Variants in MCTP2 observed in about 807,000 individuals in gnomAD.
MCTP2 encodes the protein multiple C2 and transmembrane domain-containing protein 2.
Under a neutral mutation model 111.6 loss-of-function variants are expected in MCTP2, and 132 were observed. That is an observed-to-expected ratio of 1.18 (90% CI 1.03 to 1.37). The LOEUF (loss-of-function observed/expected upper bound fraction) is 1.37. Among genes scored for constraint, MCTP2 ranks in the 40% most tolerant of loss-of-function variants. The pLI, the probability that MCTP2 is intolerant of heterozygous loss-of-function variation, is 0.00. For missense variants in MCTP2, 1,183 were observed against 1,067.9 expected, an observed-to-expected ratio of 1.11 and a Z score of -1.50; for synonymous variants, 395 against 387.7, an observed-to-expected ratio of 1.02 and a Z score of -0.22.
At chr15:94,257,234 T>C (rs2072833300) in intron 1 of MCTP2, among the ~76,000 whole-genome samples, 1 of 152,150 alleles carries the variant, frequency 6.6e-6, no homozygotes, top group South Asian at 2.1e-4. Context: ...CCTCATCCTC[T>C]GTGGGATGGC....
At chr15:94,336,632 C>T (rs1454562782) in intron 4 of MCTP2, among the ~76,000 whole-genome samples, 1 of 151,082 alleles carries the variant, frequency 6.6e-6, no homozygotes, top group Non-Finnish European at 1.5e-5. Context: ...GAAGTGGGTG[C>T]AACATTTTTA....
chr15:94,451,993 G>C (rs375565208), intron 19 of MCTP2, among the ~76,000 whole-genome samples: 1 of 152,128 alleles, frequency 6.6e-6, no homozygotes, highest in East Asian at 1.9e-4. Context: ...TCCAATCAGA[G>C]TAATGACAAT....
At chr15:94,333,248 G>A (rs959560388) in intron 4 of MCTP2, among the ~76,000 whole-genome samples, 9 of 152,132 alleles carry the variant, frequency 5.9e-5, no homozygotes, top group African/African-American at 1.9e-4. Flanking sequence ...GGAGCAAGGC[G>A]TATAAGAATT....
chr15:94,397,157 A>G lies in MCTP2; in HGVS notation c.1789-1804A>G, dbSNP rs183171300. On this transcript the variant is annotated intron_variant, in intron 14 of 22. Coordinates refer to ENST00000357742, the MANE Select transcript of MCTP2 (RefSeq NM_001385001.1). ...CTATTTTTTAAGATAGTTAAGTCCC[A>G]AACATGCATGGGTTTAATTCTATCT... Among the ~76,000 whole-genome samples the G allele has an allele frequency of 4.1e-3, 622 of 152,296 alleles. 19 individuals carry two copies. The highest frequency in any genetic ancestry group is 0.033 in the Admixed American group (512 of 15,288).
chr15:94,232,924 A>T (rs1214146476), intron 1 of MCTP2, among the ~76,000 whole-genome samples: 1 of 152,176 alleles, frequency 6.6e-6, no homozygotes, highest in Non-Finnish European at 1.5e-5. Context: ...TGTCTATGAA[A>T]TCTACAAAGT....
chr15:94,289,852 T>C (rs1313226736), intron 1 of MCTP2, among the ~76,000 whole-genome samples: 1 of 152,164 alleles, frequency 6.6e-6, no homozygotes, highest in Non-Finnish European at 1.5e-5. Context: ...GTAGATGGGA[T>C]CTAACAGACT....
intron 14 of MCTP2, among the ~76,000 whole-genome samples, chr15:94,388,300 C>G (rs1305179196): frequency 4.6e-5 from 7 of 152,190 alleles, no homozygotes; most frequent in African/African-American, 1.7e-4. Context: ...ATGGTGCACT[C>G]AGTAAGATGC....
chr15:94,337,377 C>T (rs1484460075), intron 4 of MCTP2, among the ~76,000 whole-genome samples: 1 of 152,110 alleles, frequency 6.6e-6, no homozygotes, highest in African/African-American at 2.4e-5. Flanking sequence ...AAACTGACAC[C>T]ACTGAGGCCT....
At position 94,480,316 on chromosome 15, in the gene MCTP2, T is replaced by G. The variant is rs561067754; in HGVS notation, c.*1282T>G. 6.6e-6 allele frequency: 1 copy of G among 150,708 alleles called. No individual in the cohort carries two copies. Among genetic ancestry groups the G allele is most frequent in the Admixed American group, 6.6e-5 (1 of 15,162 alleles). The allele number at this position is 150,708 out of a possible 1,614,324, so 9.3% of individuals were successfully genotyped here. A position where few individuals can be genotyped will look rare whatever the true frequency, so the allele number is the denominator to read the frequency against. On this transcript the variant is annotated 3_prime_UTR_variant, in exon 23 of 23. Transcript: ENST00000357742. ...AAAAAGATCTCATTTAATAGTGAGT[T>G]CACTATTTTTTTTTTTTTGTCTCTG...
chr15:94,371,126 GAA>G (rs372022866), intron 12 of MCTP2, among the ~76,000 whole-genome samples: 22 of 143,396 alleles, frequency 1.5e-4, no homozygotes, highest in African/African-American at 2.5e-4. Context: ...AAACTTAGTT[GAA>G]AAAAAAAAAA....
intron 1 of MCTP2, among the ~76,000 whole-genome samples, chr15:94,233,549 T>A (rs2070338511): frequency 6.6e-6 from 1 of 152,068 alleles, no homozygotes; most frequent in Non-Finnish European, 1.5e-5. Context: ...TGATTAGCGG[T>A]CTCTTGTCAC....
Position 94,298,210 on chromosome 15 carries a change from C to A in MCTP2, c.-56C>A. On this transcript the variant is annotated 5_prime_UTR_variant, in exon 2 of 23. Coordinates refer to ENST00000357742, the MANE Select transcript of MCTP2 (RefSeq NM_001385001.1). ...TTTTTCTGTTTTATAGGAGTCATTGCAGTTTTCAGTAGAGGTGTACTTCTG... is the reference window on the plus strand; with the variant it reads ...TTTTTCTGTTTTATAGGAGTCATTGAAGTTTTCAGTAGAGGTGTACTTCTG... 3.9e-6 allele frequency: 5 copies of A among 1,276,350 alleles called. No individual in the cohort carries two copies. Among genetic ancestry groups the A allele is most frequent in the South Asian group, 1.6e-5 (1 of 62,732 alleles). The allele number at this position is 1,276,350 out of a possible 1,614,324, so 79.1% of individuals were successfully genotyped here.
At chr15:94,246,129 T>C (rs1175566842) in intron 1 of MCTP2, among the ~76,000 whole-genome samples, 1 of 152,072 alleles carries the variant, frequency 6.6e-6, no homozygotes. Flanking sequence ...TTGTGTAGCC[T>C]CTTGGAACTT....
At chr15:94,430,855 T>C (rs922392018) in intron 17 of MCTP2, among the ~76,000 whole-genome samples, 4 of 152,174 alleles carry the variant, frequency 2.6e-5, no homozygotes, top group Non-Finnish European at 5.9e-5. Context: ...ATTATTCACC[T>C]AGATACCCAC....
intron 1 of MCTP2, among the ~76,000 whole-genome samples, chr15:94,266,030 A>G (rs1192430714): frequency 6.6e-6 from 1 of 152,124 alleles, no homozygotes; most frequent in Non-Finnish European, 1.5e-5. Flanking sequence ...CACATCTTTA[A>G]ATCTCTGTAG....
At chr15:94,460,370 G>A (rs1350863469) in intron 20 of MCTP2, among the ~76,000 whole-genome samples, 1 of 152,194 alleles carries the variant, frequency 6.6e-6, no homozygotes, top group African/African-American at 2.4e-5. Context: ...GATACAGGGA[G>A]ATGTAAGGGA....
intron 10 of MCTP2, among the ~76,000 whole-genome samples, chr15:94,359,482 G>A (rs561124969): frequency 2.4e-4 from 36 of 152,166 alleles, no homozygotes; most frequent in African/African-American, 8.7e-4. Context: ...ACCACTACGG[G>A]GTGTCTTTTC....
intron 1 of MCTP2, chr15:94,273,598 T>C: frequency 4.9e-6 from 1 of 202,594 alleles, no homozygotes. Context: ...GTCCCTGCTC[T>C]CCAAAGAGCT....
rs1345994133 is a variant in MCTP2, at chr15:94,338,443, T to TGTAACACACGCAC, written c.638-846_638-834dup. Among the ~76,000 whole-genome samples, 4 of 151,868 alleles carry TGTAACACACGCAC rather than the reference T, an allele frequency of 2.6e-5. No individual in the cohort carries two copies. The East Asian group carries it at 7.8e-4, about 30-fold the overall frequency. ...CATTGTATCATGCGACGCACATGCA[T>TGTAACACACGCAC]GTAACACACGCACAATACATAATTC... is the stretch of plus-strand genomic sequence containing the variant. On this transcript the variant is annotated intron_variant, in intron 4 of 22. Coordinates refer to ENST00000357742, the MANE Select transcript of MCTP2 (RefSeq NM_001385001.1).
Sources: gnomAD v4.1 joint callset for allele counts (sites outside exome capture counted in the v4.1 genomes callset) on GRCh38, gnomAD v4.1.1 for gene constraint, MANE v1.5 for transcripts, NCBI Gene and HGNC (gene_info 2026-07-23, HGNC 2026-07-21) for gene names.